Variants in ROBO2 observed in about 807,000 individuals in gnomAD.
The protein encoded by ROBO2 is roundabout homolog 2.
A neutral mutation model predicts 160.8 loss-of-function variants in ROBO2; 53 were observed. The ratio of observed to expected loss-of-function variants is 0.33; its 90% CI spans 0.26 to 0.41. The LOEUF is 0.41. ROBO2 is among the 10% of genes least tolerant of loss of function. The pLI is 1.00. For synonymous variants in ROBO2, 664 were observed against 611.7 expected, an observed-to-expected ratio of 1.09 and a Z score of -1.26; for missense variants, 1,577 against 1,722.4, an observed-to-expected ratio of 0.92 and a Z score of 1.49.
At chr3:76,533,469 A>G (rs1204399670) in intron 2 of ROBO2, among the ~76,000 whole-genome samples, 1 of 152,250 alleles carries the variant, frequency 6.6e-6, no homozygotes, top group East Asian at 1.9e-4. Flanking sequence ...ATAGATGCAC[A>G]TCATATTAGA....
At chr3:77,601,829 T>G (rs2094436251) in intron 19 of ROBO2, among the ~76,000 whole-genome samples, 1 of 152,256 alleles carries the variant, frequency 6.6e-6, no homozygotes, top group South Asian at 2.1e-4. Context: ...TGGAAAGAGA[T>G]GTTTTTCATC....
At chr3:75,975,542 G>A (rs2065113583) in intron 2 of ROBO2, among the ~76,000 whole-genome samples, 1 of 151,162 alleles carries the variant, frequency 6.6e-6, no homozygotes, top group Admixed American at 6.6e-5. Flanking sequence ...CAAGTTTTCA[G>A]ACAACTCTTT....
chr3:77,201,701 G>C, intron 2 of ROBO2, among the ~76,000 whole-genome samples: 1 of 152,114 alleles, frequency 6.6e-6, no homozygotes, highest in East Asian at 1.9e-4. Context: ...ATATTGAACT[G>C]AACTTGTGCA....
At chr3:77,291,691 A>T (rs562818889) in intron 2 of ROBO2, among the ~76,000 whole-genome samples, 75 of 152,048 alleles carry the variant, frequency 4.9e-4, no homozygotes, top group African/African-American at 1.7e-3. Context: ...GGGTAAGCTG[A>T]GGCTAGATCA....
intron 2 of ROBO2, among the ~76,000 whole-genome samples, chr3:77,389,171 G>T (rs892830935): frequency 6.6e-6 from 1 of 152,116 alleles, no homozygotes; most frequent in Admixed American, 6.6e-5. Flanking sequence ...CTTGAACTCC[G>T]GACCTCAGGT....
chr3:76,634,823 AGCAGCAGGAGGTGC>A (rs1225885497), intron 2 of ROBO2, among the ~76,000 whole-genome samples: 1 of 152,116 alleles, frequency 6.6e-6, no homozygotes, highest in Non-Finnish European at 1.5e-5. Flanking sequence ...GCAGGAGGTG[AGCAGCAGGAGGTGC>A]GCAGCAGGCC....
intron 2 of ROBO2, among the ~76,000 whole-genome samples, chr3:76,304,743 T>TTAC (rs1553700094): frequency 3.4e-5 from 4 of 117,702 alleles, no homozygotes; most frequent in Non-Finnish European, 7.1e-5. Context: ...TTTTCTTTTC[T>TTAC]TTCCTTCTTT....
exon 1 of ROBO2, chr3:77,040,565 C>G: frequency 1.4e-6 from 2 of 1,417,306 alleles, no homozygotes; most frequent in East Asian, 2.6e-5. Context: ...AATACAGCAG[C>G]CTTTGAAGTA....
chr3:76,235,391 C>T (rs2107490724), intron 2 of ROBO2, among the ~76,000 whole-genome samples: 1 of 152,240 alleles, frequency 6.6e-6, no homozygotes, highest in Non-Finnish European at 1.5e-5. Flanking sequence ...CCAAAGAAAG[C>T]TAGAAAAGGC....
intron 2 of ROBO2, among the ~76,000 whole-genome samples, chr3:77,026,738 A>G (rs1301019487): frequency 6.6e-6 from 1 of 152,234 alleles, no homozygotes; most frequent in African/African-American, 2.4e-5. Context: ...AAAGCAAAGT[A>G]TCTTTATGAG....
At chr3:77,379,016 C>T (rs562065014) in intron 2 of ROBO2, among the ~76,000 whole-genome samples, 5 of 151,546 alleles carry the variant, frequency 3.3e-5, no homozygotes, top group South Asian at 2.1e-4. Context: ...GGCGTGATCT[C>T]GGCTCGCTGC....
intron 2 of ROBO2, among the ~76,000 whole-genome samples, chr3:77,189,071 G>C (rs1038976052): frequency 9.9e-5 from 15 of 151,676 alleles, no homozygotes; most frequent in Non-Finnish European, 1.8e-4. Context: ...TAGACATACT[G>C]TGTCAGACAC....
intron 2 of ROBO2, among the ~76,000 whole-genome samples, chr3:76,200,985 A>T (rs886782690): frequency 6.6e-6 from 1 of 152,158 alleles, no homozygotes; most frequent in Non-Finnish European, 1.5e-5. Context: ...AATCATGGTC[A>T]CCTTCCACTT....
At chr3:77,362,734 G>T (rs1252439660) in intron 2 of ROBO2, among the ~76,000 whole-genome samples, 1 of 152,120 alleles carries the variant, frequency 6.6e-6, no homozygotes, top group East Asian at 1.9e-4. Flanking sequence ...ATTTATAAAG[G>T]AAAGAGGATT....
chr3:77,107,915 A>G (rs1228944539), intron 2 of ROBO2, among the ~76,000 whole-genome samples: 1 of 152,188 alleles, frequency 6.6e-6, no homozygotes, highest in African/African-American at 2.4e-5. Flanking sequence ...AAACCATTTT[A>G]TATAAATCTG....
chr3:77,467,028 C>A (rs2082836595), intron 2 of ROBO2, among the ~76,000 whole-genome samples: 1 of 152,100 alleles, frequency 6.6e-6, no homozygotes, highest in Non-Finnish European at 1.5e-5. Context: ...CAGTGGAATG[C>A]TGTAAAAGCT....
chr3:77,182,378 G>A (rs548831638), intron 2 of ROBO2, among the ~76,000 whole-genome samples: 2 of 152,166 alleles, frequency 1.3e-5, no homozygotes, highest in South Asian at 2.1e-4. Context: ...TGTCTAGGAG[G>A]AGAGAAAGAC....
At position 76,352,910 on chromosome 3, in the gene ROBO2, G is replaced by C. The variant is rs573917533; in HGVS notation, c.109+415308G>C. The stretch of plus-strand genomic sequence containing the variant: ...ACAAATTCACTCTGAAAATAGCAAG[G>C]CACACGTGGCTTTTGACAAGAGGTT... On this transcript the variant is annotated intron_variant, in intron 2 of 26. Transcript: ENST00000487694. 2.0e-5 allele frequency among the ~76,000 whole-genome samples: 3 copies of C among 152,036 alleles called. No homozygotes were observed. The South Asian group carries it at 6.2e-4, about 32-fold the overall frequency.
At chr3:77,453,037 C>T (rs572321337) in intron 2 of ROBO2, among the ~76,000 whole-genome samples, 4 of 152,248 alleles carry the variant, frequency 2.6e-5, no homozygotes, top group South Asian at 2.1e-4. Context: ...CAAAGTATGT[C>T]TATGGCCTAG....
Sources: gnomAD v4.1 joint callset for allele counts (sites outside exome capture counted in the v4.1 genomes callset) on GRCh38, gnomAD v4.1.1 for gene constraint, MANE v1.5 for transcripts, NCBI Gene and HGNC (gene_info 2026-07-23, HGNC 2026-07-21) for gene names.